EPHA4: variants seen among roughly 807,000 people sequenced by gnomAD.
The protein encoded by EPHA4 is EPH receptor A4, also known as ephrin type-A receptor 4.
Under a neutral mutation model 108.3 loss-of-function variants are expected in EPHA4, and 19 were observed. That is an observed-to-expected ratio of 0.18 (90% CI 0.12 to 0.26). The LOEUF (loss-of-function observed/expected upper bound fraction) is 0.26, where lower values mean the gene tolerates loss of function less well. EPHA4 is among the 10% of genes least tolerant of loss of function. The pLI, the probability that EPHA4 is intolerant of heterozygous loss-of-function variation, is 1.00. For missense variants in EPHA4, 917 were observed against 1,254.0 expected, an observed-to-expected ratio of 0.73 and a Z score of 4.06; for synonymous variants, 449 against 455.5, an observed-to-expected ratio of 0.99 and a Z score of 0.18.
chr2:221,479,358 C>T (rs868601979), intron 5 of EPHA4, among the ~76,000 whole-genome samples: 2 of 152,096 alleles, frequency 1.3e-5, no homozygotes, highest in African/African-American at 2.4e-5. Context: ...GCAGGTTTTG[C>T]GTGATTGATT....
chr2:221,516,601 C>T lies in EPHA4; in HGVS notation c.824-15429G>A, dbSNP rs79336940. On this transcript the variant is annotated intron_variant, in intron 3 of 17. Coordinates refer to ENST00000281821, the MANE Select transcript of EPHA4 (RefSeq NM_004438.5). ...AACTCCTGACCTCAGGTGATCGGCC[C>T]GCCTCGGCCCAAAGTGCTGGGATCA... 8.6e-4 allele frequency among the ~76,000 whole-genome samples: 131 copies of T among 152,218 alleles called. 1 individual carries two copies. In the East Asian group the frequency reaches 0.011, roughly 12 times the overall value.
At chr2:221,550,963 G>A (rs994635682) in intron 3 of EPHA4, among the ~76,000 whole-genome samples, 13 of 151,948 alleles carry the variant, frequency 8.6e-5, no homozygotes, top group African/African-American at 3.1e-4. Context: ...TCTGAGAAGT[G>A]TTTAAAATTA....
intron 8 of EPHA4, among the ~76,000 whole-genome samples, chr2:221,449,583 C>T (rs988626910): frequency 6.6e-6 from 1 of 151,980 alleles, no homozygotes; most frequent in South Asian, 2.1e-4. Flanking sequence ...GTGAACTAAG[C>T]CCTCCTGCAG....
intron 3 of EPHA4, among the ~76,000 whole-genome samples, chr2:221,501,776 T>C (rs1259763491): frequency 6.6e-6 from 1 of 152,066 alleles, no homozygotes; most frequent in Middle Eastern, 3.4e-3. Context: ...AAGAACCAAA[T>C]CGAAAGATCA....
rs1427659031 is a variant in EPHA4, at chr2:221,456,679, C to T, written c.1537G>A (p.Val513Met). ...TAGCCAGCTGCTGTCCTGGCTCGCA[C>T]GTGGAAAACATAGGAAGTGAGAGGG... ...LNPLTSYVFH[V>M]RARTAAGYGD... The change falls in exon 7 of 18, where the codon GTG becomes ATG. Residue 513 changes from valine to methionine, a missense_variant. Physicochemically the swap from Val to Met is conservative, Grantham distance 21 (BLOSUM62 1). This residue lies in a region of EPHA4 where 758 missense variants were observed against 1,076.7 expected (regional missense o/e 0.70). Coordinates refer to ENST00000281821, the MANE Select transcript of EPHA4 (RefSeq NM_004438.5). The T allele has an allele frequency of 1.9e-6, 3 of 1,613,768 alleles. No homozygotes were observed. Among genetic ancestry groups the T allele is most frequent in the South Asian group, 1.1e-5 (1 of 91,078 alleles).
chr2:221,426,201 T>C (rs1689903839), intron 16 of EPHA4, 59 bp from the exon 17 acceptor site: 2 of 1,450,472 alleles, frequency 1.4e-6, no homozygotes, highest in Admixed American at 1.7e-5. Flanking sequence ...CAATCTCTTT[T>C]CTTGGGCTTC....
rs1436753085 is a variant in EPHA4, at chr2:221,418,547, A to C, written c.*2825T>G. 1.3e-5 allele frequency: 2 copies of C among 152,650 alleles called. No homozygotes were observed. The highest frequency in any genetic ancestry group is 4.8e-5 in the African/African-American group (2 of 41,444). The allele number at this position is 152,650 out of a possible 1,614,324, so 9.5% of individuals were successfully genotyped here. The stretch of plus-strand genomic sequence containing the variant: ...CACATATCCTTCACAGATTGAATAC[A>C]AGAGGTCTCAGAATGCACACACCAG... On this transcript the variant is annotated 3_prime_UTR_variant, in exon 18 of 18. Transcript: ENST00000281821.
intron 3 of EPHA4, 50 bp from the exon 4 acceptor site, chr2:221,501,222 C>T: frequency 2.0e-6 from 3 of 1,480,374 alleles, no homozygotes; most frequent in South Asian, 1.4e-5. Flanking sequence ...TGCAAATAGA[C>T]CAAAGCAAAA....
At chr2:221,550,448 AG>A (rs1448149464) in intron 3 of EPHA4, among the ~76,000 whole-genome samples, 15 of 151,672 alleles carry the variant, frequency 9.9e-5, no homozygotes, top group African/African-American at 3.4e-4. Flanking sequence ...AGAGAGAGAG[AG>A]AGAGAATGTA....
intron 4 of EPHA4, among the ~76,000 whole-genome samples, chr2:221,498,505 G>T (rs1401192622): frequency 2.0e-5 from 3 of 152,152 alleles, no homozygotes; most frequent in African/African-American, 7.2e-5. Flanking sequence ...AAAAGGTTGG[G>T]ACTGAAGAGT....
intron 5 of EPHA4, among the ~76,000 whole-genome samples, chr2:221,480,509 G>A (rs981059873): frequency 6.6e-6 from 1 of 152,164 alleles, no homozygotes; most frequent in Non-Finnish European, 1.5e-5. Context: ...GGATCTGTAT[G>A]TAATATTTCC....
At position 221,563,864 on chromosome 2, in the gene EPHA4, T is replaced by C. The variant is rs956121769; in HGVS notation, c.690A>G (p.Arg230=). 5.6e-5 allele frequency: 91 copies of C among 1,614,052 alleles called. No homozygotes were observed. Among genetic ancestry groups the C allele is most frequent in the Non-Finnish European group, 7.6e-5 (90 of 1,180,040 alleles). Residue 230 remains arginine, a synonymous_variant, in exon 3 of 18, where the codon CGA becomes CGG. Transcript: ENST00000281821. Reference sequence around the variant, plus strand: ...CTTCTGAGTTGTTGACACAGGAGCCTCGAACTTCCACCAGGGAAGACGTAT... The same window carrying C: ...CTTCTGAGTTGTTGACACAGGAGCCCCGAACTTCCACCAGGGAAGACGTAT... ...GADTSSLVEV[R]GSCVNNSEEK... is the part of the protein sequence containing the mutation.
Position 221,489,594 on chromosome 2 carries a change from T to C in EPHA4, c.980-6904A>G, listed in dbSNP as rs1692081134. ...CCTTTCCCTGTCCCAATGCACCCAA[T>C]TGCATCACATTTTTAAAAATTTCCT... is the stretch of plus-strand genomic sequence containing the variant. On this transcript the variant is annotated intron_variant, in intron 4 of 17. Coordinates refer to ENST00000281821, the MANE Select transcript of EPHA4 (RefSeq NM_004438.5). Among the ~76,000 whole-genome samples, 7 of 152,132 alleles carry C rather than the reference T, an allele frequency of 4.6e-5. No individual in the cohort carries two copies. In the South Asian group the frequency reaches 1.0e-3, roughly 22 times the overall value.
chr2:221,572,303 T>C lies in EPHA4; in HGVS notation c.-55A>G. ...GCTTCTATCCCAGTGGAATAAATGC[T>C]TAAGTTAGGAGAGCAGCGGGCTGAA... On this transcript the variant is annotated 5_prime_UTR_variant, in exon 1 of 18. Coordinates refer to ENST00000281821, the MANE Select transcript of EPHA4 (RefSeq NM_004438.5). 6.7e-7 allele frequency: 1 copy of C among 1,496,142 alleles called. No individual in the cohort carries two copies. The allele number at this position is 1,496,142 out of a possible 1,614,324, so 92.7% of individuals were successfully genotyped here.
At chr2:221,433,978 A>G (rs1339859164) in intron 14 of EPHA4, among the ~76,000 whole-genome samples, 164 bp downstream of exon 14, 1 of 152,156 alleles carries the variant, frequency 6.6e-6, no homozygotes, top group South Asian at 2.1e-4. Context: ...CTTGAAATCA[A>G]TAGTCATTGG....
intron 4 of EPHA4, among the ~76,000 whole-genome samples, chr2:221,491,148 G>A (rs1306204615): frequency 6.6e-6 from 1 of 151,842 alleles, no homozygotes; most frequent in Non-Finnish European, 1.5e-5. Flanking sequence ...TTTTTTACTG[G>A]GTTAATTAGG....
intron 3 of EPHA4, among the ~76,000 whole-genome samples, chr2:221,537,881 G>A (rs566927679): frequency 6.6e-6 from 1 of 152,324 alleles, no homozygotes; most frequent in South Asian, 2.1e-4. Flanking sequence ...GAAGGTCCCA[G>A]ACATTTTGAA....
chr2:221,494,473 G>T (rs565750390), intron 4 of EPHA4, among the ~76,000 whole-genome samples: 1 of 152,136 alleles, frequency 6.6e-6, no homozygotes, highest in African/African-American at 2.4e-5. Context: ...GGGCATGGTG[G>T]TGCATGTCTG....
chr2:221,501,084 G>T lies in EPHA4; in HGVS notation c.912C>A (p.Ala304=). 3.7e-6 allele frequency: 6 copies of T among 1,613,700 alleles called. No individual in the cohort carries two copies. Among genetic ancestry groups the T allele is most frequent in the Non-Finnish European group, 5.1e-6 (6 of 1,179,756 alleles). Residue 304 remains alanine, a synonymous_variant, in exon 4 of 18, where the codon GCC becomes GCA. Transcript: ENST00000281821. ...PPHSYSVWEG[A]TSCTCDRGFF... is the part of the protein sequence containing the mutation. ...AGCCTCGGTCACAGGTGCACGAGGT[G>T]GCTCCTTCCCAGACAGAGTAGCTGT...
Sources: allele counts gnomAD v4.1 joint callset (sites outside exome capture counted in the v4.1 genomes callset), GRCh38; gene constraint gnomAD v4.1.1; regional missense constraint gnomAD v4.1.1; transcripts MANE v1.5; gene names NCBI Gene and HGNC (gene_info 2026-07-23, HGNC 2026-07-21).